ZCCHC7: variants seen among roughly 807,000 people sequenced by gnomAD.
ZCCHC7 encodes zinc finger CCHC-type containing 7.
ZCCHC7 carries 35 observed loss-of-function variants against 52.0 expected under a neutral mutation model. That is an observed-to-expected ratio of 0.67 (90% CI 0.51 to 0.89). ZCCHC7 has a LOEUF of 0.89. ZCCHC7 is among the 40% of genes least tolerant of loss of function. The pLI is 0.00. For missense variants in ZCCHC7, 574 were observed against 649.1 expected, an observed-to-expected ratio of 0.88 and a Z score of 1.26; for synonymous variants, 217 against 221.5, an observed-to-expected ratio of 0.98 and a Z score of 0.18.
chr9:37,243,023 T>G (rs1825938940), intron 2 of ZCCHC7, among the ~76,000 whole-genome samples: 1 of 151,812 alleles, frequency 6.6e-6, no homozygotes, highest in African/African-American at 2.4e-5. Flanking sequence ...TTTATTTTTC[T>G]TCTTTTTTTA....
chr9:37,309,782 T>C (rs950475256), intron 5 of ZCCHC7, among the ~76,000 whole-genome samples: 1 of 152,016 alleles, frequency 6.6e-6, no homozygotes, highest in Non-Finnish European at 1.5e-5. Flanking sequence ...GTTAGCTGAG[T>C]GTGGTGGTGC....
chr9:37,167,457 G>A (rs1160279598), intron 2 of ZCCHC7, among the ~76,000 whole-genome samples: 1 of 152,028 alleles, frequency 6.6e-6, no homozygotes, highest in Non-Finnish European at 1.5e-5. Flanking sequence ...CTATTTGAAT[G>A]TAAGGAATAT....
intron 2 of ZCCHC7, among the ~76,000 whole-genome samples, chr9:37,235,465 C>CCTTTCCTTCCTTCCTTT (rs1472845004): frequency 1.3e-5 from 2 of 150,238 alleles, no homozygotes; most frequent in Non-Finnish European, 1.5e-5. Context: ...TTCTTTCCTT[C>CCTTTCCTTCCTTCCTTT]CTTTCCTTCC....
chr9:37,304,334 T>C, intron 4 of ZCCHC7, 21 bp downstream of exon 4: 1 of 1,611,012 alleles, frequency 6.2e-7, no homozygotes, highest in Non-Finnish European at 8.5e-7. Flanking sequence ...TATGCTTTGC[T>C]TCTTTCCACA....
chr9:37,266,591 C>G (rs1827116123), intron 2 of ZCCHC7, among the ~76,000 whole-genome samples: 1 of 151,980 alleles, frequency 6.6e-6, no homozygotes, highest in Non-Finnish European at 1.5e-5. Context: ...AAATGTCTAC[C>G]AGCTTGGCAT....
At chr9:37,269,430 C>T (rs1827277706) in intron 2 of ZCCHC7, among the ~76,000 whole-genome samples, 2 of 151,288 alleles carry the variant, frequency 1.3e-5, no homozygotes, top group South Asian at 4.2e-4. Flanking sequence ...TTAGCCTGGG[C>T]AACGTAGTGA....
intron 5 of ZCCHC7, among the ~76,000 whole-genome samples, chr9:37,321,024 T>C (rs147486874): frequency 0.083 from 12,127 of 145,830 alleles, 732 homozygotes; most frequent in Middle Eastern, 0.15. Context: ...AATCTCACTC[T>C]GTTGCCCAGG....
At chr9:37,120,777 G>C in intron 1 of ZCCHC7, 154 bp downstream of exon 1, 1 of 336,304 alleles carries the variant, frequency 3.0e-6, no homozygotes, top group Non-Finnish European at 5.4e-6. Flanking sequence ...GCAGCTCCTG[G>C]TCCGTCACCT....
intron 6 of ZCCHC7, among the ~76,000 whole-genome samples, chr9:37,328,266 T>C (rs1830328261): frequency 6.6e-6 from 1 of 152,044 alleles, no homozygotes; most frequent in African/African-American, 2.4e-5. Flanking sequence ...AGAAAAAGCT[T>C]AGTGTATATT....
At chr9:37,309,362 G>A (rs1266491466) in intron 5 of ZCCHC7, among the ~76,000 whole-genome samples, 1 of 152,126 alleles carries the variant, frequency 6.6e-6, no homozygotes. Context: ...CAGAAAATTT[G>A]TTTCCTCTGC....
chr9:37,191,826 C>T (rs936310694), intron 2 of ZCCHC7, among the ~76,000 whole-genome samples: 1 of 152,218 alleles, frequency 6.6e-6, no homozygotes, highest in African/African-American at 2.4e-5. Context: ...TACAACAATG[C>T]AAGGAAGCCT....
chr9:37,247,434 C>T (rs1033973626), intron 2 of ZCCHC7, among the ~76,000 whole-genome samples: 1 of 152,160 alleles, frequency 6.6e-6, no homozygotes, highest in African/African-American at 2.4e-5. Flanking sequence ...TGTTCTTAGA[C>T]AGGAATTACA....
At chr9:37,215,664 A>C (rs143090783) in intron 2 of ZCCHC7, among the ~76,000 whole-genome samples, 1 of 152,318 alleles carries the variant, frequency 6.6e-6, no homozygotes, top group African/African-American at 2.4e-5. Context: ...AGATGCACTT[A>C]ACTTCATTCT....
intron 2 of ZCCHC7, among the ~76,000 whole-genome samples, chr9:37,280,082 A>G (rs991906337): frequency 6.6e-6 from 1 of 152,096 alleles, no homozygotes; most frequent in African/African-American, 2.4e-5. Flanking sequence ...CGGAGCTTGC[A>G]GTGAGCTAAG....
chr9:37,255,686 G>T (rs527398377), intron 2 of ZCCHC7, among the ~76,000 whole-genome samples: 1 of 152,216 alleles, frequency 6.6e-6, no homozygotes, highest in Admixed American at 6.5e-5. Context: ...AAATAATTGA[G>T]TAGATATCAA....
chr9:37,212,150 A>G (rs1415768886), intron 2 of ZCCHC7, among the ~76,000 whole-genome samples: 1 of 150,584 alleles, frequency 6.6e-6, no homozygotes, highest in African/African-American at 2.4e-5. Flanking sequence ...GATTGTTACA[A>G]CCTAGTGGCA....
intron 2 of ZCCHC7, among the ~76,000 whole-genome samples, chr9:37,227,740 G>A (rs900072102): frequency 2.6e-5 from 4 of 152,168 alleles, no homozygotes; most frequent in Admixed American, 1.3e-4. Context: ...CAATTTAAAG[G>A]AACAAATTAC....
At chr9:37,129,267 A>G (rs951457876) in intron 2 of ZCCHC7, among the ~76,000 whole-genome samples, 3 of 152,272 alleles carry the variant, frequency 2.0e-5, no homozygotes, top group African/African-American at 4.8e-5. Flanking sequence ...GAACTGTGCC[A>G]TATTTGGCAA....
At chr9:37,238,974 A>G (rs1012411638) in intron 2 of ZCCHC7, among the ~76,000 whole-genome samples, 2 of 152,162 alleles carry the variant, frequency 1.3e-5, no homozygotes, top group African/African-American at 4.8e-5. Context: ...TTTCTGCCAT[A>G]TAGCTTAGGA....
Sources: gnomAD v4.1 joint callset for allele counts (sites outside exome capture counted in the v4.1 genomes callset) on GRCh38, gnomAD v4.1.1 for gene constraint, MANE v1.5 for transcripts, NCBI Gene and HGNC (gene_info 2026-07-23, HGNC 2026-07-21) for gene names.